CRACDL: variants seen among roughly 807,000 people sequenced by gnomAD.
CRACDL encodes CRACD-like protein.
In CRACDL, 26 loss-of-function variants were observed where a neutral mutation model predicts 70.6. The ratio of observed to expected loss-of-function variants is 0.37; its 90% confidence interval spans 0.27 to 0.51. The LOEUF (loss-of-function observed/expected upper bound fraction) is 0.51. Among genes scored for constraint, CRACDL ranks in the 20% least tolerant of loss-of-function variants. CRACDL has a pLI of 0.94. For synonymous variants in CRACDL, 618 were observed against 615.2 expected (o/e 1.00, Z -0.07); for missense variants, 1,283 against 1,376.9 (o/e 0.93, Z 1.08).
intron 1 of CRACDL, among the ~76,000 whole-genome samples, chr2:98,850,118 T>G (rs956473961): frequency 7.2e-5 from 11 of 152,170 alleles, no homozygotes; most frequent in Non-Finnish European, 1.0e-4. Context: ...AGCAAATGGC[T>G]CACTTCAAAG....
chr2:98,812,769 T>A (rs1704627720), intron 7 of CRACDL, among the ~76,000 whole-genome samples: 1 of 152,256 alleles, frequency 6.6e-6, no homozygotes, highest in East Asian at 1.9e-4. Context: ...TACTGGTCCT[T>A]TATAGGATAT....
At position 98,822,458 on chromosome 2, in the gene CRACDL, C is replaced by T; in HGVS notation, c.1815G>A (p.Pro605=). Residue 605 remains proline (P), a synonymous_variant, in exon 7 of 10, where the codon CCG becomes CCA. Coordinates refer to ENST00000397899, the MANE Select transcript of CRACDL (RefSeq NM_207362.3). This position sits in a 1 kb window ranked among gnomAD's most constrained non-coding sequence, Gnocchi z 4.9. Reference sequence around the variant, plus strand: ...CAAGAGCCGCCTCGCTCCTCCAGACCGGGCCGCTCCTCGCGAGGGGCAGGC... The same window carrying T: ...CAAGAGCCGCCTCGCTCCTCCAGACTGGGCCGCTCCTCGCGAGGGGCAGGC... ...SGRLPLARSG[P]VWRSEAALDD... 6.8e-7 allele frequency: 1 copy of T among 1,477,552 alleles called. No individual in the cohort carries two copies. Among genetic ancestry groups the T allele is most frequent in the Non-Finnish European group, 8.9e-7 (1 of 1,122,282 alleles). The allele number at this position is 1,477,552 out of a possible 1,614,324, so 91.5% of individuals were successfully genotyped here.
intron 7 of CRACDL, among the ~76,000 whole-genome samples, chr2:98,807,988 G>A (rs1704388923): frequency 6.6e-6 from 1 of 152,216 alleles, no homozygotes; most frequent in African/African-American, 2.4e-5. Flanking sequence ...TGATGGAAAT[G>A]CCCTCTGTGC....
At chr2:98,869,250 G>A (rs370340787) in intron 1 of CRACDL, 1 of 1,270,840 alleles carries the variant, frequency 7.9e-7, no homozygotes, top group African/African-American at 1.5e-5. Flanking sequence ...AAGAGCCCTT[G>A]TCCCCATCTC....
intron 1 of CRACDL, among the ~76,000 whole-genome samples, chr2:98,926,065 C>T (rs963183941): frequency 2.0e-5 from 3 of 152,026 alleles, no homozygotes; most frequent in African/African-American, 4.8e-5. Context: ...AAAGAAAAAC[C>T]GCTGTAGCTG....
intron 1 of CRACDL, among the ~76,000 whole-genome samples, chr2:98,865,735 C>T (rs181442385): frequency 1.3e-5 from 2 of 151,512 alleles, no homozygotes; most frequent in Admixed American, 6.6e-5. Flanking sequence ...ACCAAAGAGG[C>T]GTCAAGACCG....
At chr2:98,876,471 C>T (rs1200407319) in intron 1 of CRACDL, among the ~76,000 whole-genome samples, 6 of 152,112 alleles carry the variant, frequency 3.9e-5, no homozygotes, top group Admixed American at 2.0e-4. Flanking sequence ...AGGTCAGCAG[C>T]GGCATTAGAT....
chr2:98,885,965 T>G (rs1352961004), intron 1 of CRACDL, among the ~76,000 whole-genome samples: 1 of 151,714 alleles, frequency 6.6e-6, no homozygotes, highest in Non-Finnish European at 1.5e-5. Flanking sequence ...CTCTGGAAAT[T>G]AATGCAATAA....
At chr2:98,906,747 AT>A (rs1354834093) in intron 1 of CRACDL, among the ~76,000 whole-genome samples, 2 of 152,012 alleles carry the variant, frequency 1.3e-5, no homozygotes, top group African/African-American at 4.8e-5. Flanking sequence ...CTGTCTAGTG[AT>A]TTTTTTAATT....
intron 1 of CRACDL, among the ~76,000 whole-genome samples, chr2:98,901,825 T>C (rs1708289725): frequency 6.6e-6 from 1 of 151,434 alleles, no homozygotes; most frequent in Admixed American, 6.6e-5. Flanking sequence ...TGCTGGTGAG[T>C]ATTAACAACA....
In CRACDL at chr2:98,797,369, T is replaced by C; in HGVS notation, c.2585A>G (p.Lys862Arg). The C allele has an allele frequency of 1.2e-6, 2 of 1,614,204 alleles. No individual in the cohort carries two copies. Among genetic ancestry groups the C allele is most frequent in the East Asian group, 4.5e-5 (2 of 44,870 alleles). ...AAGCACCTGGCCTCTCTCGGGCACC[T>C]TGGCTTGCTTTCCTGGTTCAGACTT... ...TLKSEPGKQA[K>R]VPERGQEPVK... The change falls in exon 8 of 10, where the codon AAG becomes AGG. Residue 862 changes from lysine to arginine, a missense_variant. Coordinates refer to ENST00000397899, the MANE Select transcript of CRACDL (RefSeq NM_207362.3).
chr2:98,836,103 C>T (rs918693364), intron 3 of CRACDL, among the ~76,000 whole-genome samples: 9 of 152,184 alleles, frequency 5.9e-5, no homozygotes, highest in African/African-American at 2.2e-4. Flanking sequence ...CCCTGCTCTT[C>T]CTTCAGATCA....
rs77251850 is a variant in CRACDL at position 98,869,278 on chromosome 2, C to T, written c.-10-22468G>A. ...CCCATCTCTCACAGAAGTACCCGTGCGCCAGGAGGAAGTGGGGCTTCTGCC... is the reference window on the plus strand; with the variant it reads ...CCCATCTCTCACAGAAGTACCCGTGTGCCAGGAGGAAGTGGGGCTTCTGCC... On this transcript the variant is annotated intron_variant, in intron 1 of 9. Coordinates refer to ENST00000397899, the MANE Select transcript of CRACDL (RefSeq NM_207362.3). 8,704 of 1,223,488 alleles carry T rather than the reference C, an allele frequency of 7.1e-3. 40 individuals carry two copies. The highest frequency in any genetic ancestry group is 8.2e-3 in the Non-Finnish European group (7,769 of 946,754). 75.8% of individuals were successfully genotyped at this position (1,223,488 alleles called of 1,614,324 possible). A position where few individuals can be genotyped will look rare whatever the true frequency, so the allele number is the denominator to read the frequency against.
intron 1 of CRACDL, among the ~76,000 whole-genome samples, chr2:98,890,574 A>C (rs1045113025): frequency 2.0e-5 from 3 of 152,264 alleles, no homozygotes; most frequent in Admixed American, 2.0e-4. Context: ...ATGTTTAAAG[A>C]ATAGTACAAA....
At chr2:98,811,122 C>T (rs79952821) in intron 7 of CRACDL, among the ~76,000 whole-genome samples, 285 of 152,196 alleles carry the variant, frequency 1.9e-3, no homozygotes, top group Middle Eastern at 3.4e-3. Flanking sequence ...AAGGGAAACA[C>T]GATGAATCTG....
In CRACDL at chr2:98,796,117, T is replaced by C. The variant is rs768811665; in HGVS notation, c.2749+3A>G. 2.7e-5 allele frequency: 43 copies of C among 1,612,866 alleles called. No individual in the cohort carries two copies. The highest frequency in any genetic ancestry group is 1.6e-4 in the Middle Eastern group (1 of 6,082). On this transcript the variant is annotated splice_donor_region_variant and intron_variant, in intron 9 of 9. Transcript: ENST00000397899. ...TATGTGGTAATGTTTGCAGATTTCATACCCAAGTTCTGATGGGACAATGAG... is the reference window on the plus strand; with the variant it reads ...TATGTGGTAATGTTTGCAGATTTCACACCCAAGTTCTGATGGGACAATGAG...
At chr2:98,829,619 C>G (rs1287748053) in intron 5 of CRACDL, among the ~76,000 whole-genome samples, 4 of 152,146 alleles carry the variant, frequency 2.6e-5, no homozygotes, top group African/African-American at 9.7e-5. Flanking sequence ...CTGGATGATT[C>G]TGAAAGCAGA....
intron 1 of CRACDL, among the ~76,000 whole-genome samples, chr2:98,899,563 T>G (rs1158790768): frequency 1.3e-5 from 2 of 150,738 alleles, no homozygotes. Context: ...GCAAGGGGAG[T>G]GCCCTAGCAG....
rs1384932617 is a variant in CRACDL, at chr2:98,795,058, T to A, written c.2750-387A>T. Among the ~76,000 whole-genome samples, 3 of 43,010 alleles carry A rather than the reference T, an allele frequency of 7.0e-5. 1 individual carries two copies. Among genetic ancestry groups the A allele is most frequent in the Non-Finnish European group, 5.1e-5 (1 of 19,794 alleles). The allele number at this position is 43,010 out of a possible 152,430, so 28.2% of individuals were successfully genotyped here. A position where few individuals can be genotyped will look rare whatever the true frequency, so the allele number is the denominator to read the frequency against. On this transcript the variant is annotated intron_variant, in intron 9 of 9. Transcript: ENST00000397899. ...AATTAAAAATATATATATATATATA[T>A]ATATATATATATATATATATTTTTT...
Sources: allele counts gnomAD v4.1 joint callset (sites outside exome capture counted in the v4.1 genomes callset), GRCh38; gene constraint gnomAD v4.1.1; non-coding constraint Gnocchi (gnomAD v3.1); transcripts MANE v1.5; gene names NCBI Gene and HGNC (gene_info 2026-07-23, HGNC 2026-07-21).